Variants in PCDHGA9 observed in about 807,000 individuals in gnomAD.
PCDHGA9 encodes protocadherin gamma-A9.
A neutral mutation model predicts 62.5 loss-of-function variants in PCDHGA9; 37 were observed. That is an observed-to-expected ratio of 0.59 (90% CI 0.46 to 0.78). PCDHGA9 has a LOEUF of 0.78. Among genes scored for constraint, PCDHGA9 ranks in the 30% least tolerant of loss-of-function variants. The pLI is 0.00. For missense variants in PCDHGA9, 1,138 were observed against 1,166.2 expected, an observed-to-expected ratio of 0.98 and a Z score of 0.35; for synonymous variants, 459 against 484.6, an observed-to-expected ratio of 0.95 and a Z score of 0.69.
Position 141,491,737 on chromosome 5 carries a change from G to C in PCDHGA9, c.2425-3070G>C, listed in dbSNP as rs548808722. 1.2e-6 allele frequency: 2 copies of C among 1,600,586 alleles called. No homozygotes were observed. The highest frequency in any genetic ancestry group is 2.7e-5 in the African/African-American group (2 of 74,486). On this transcript the variant is annotated intron_variant, in intron 1 of 3. Transcript: ENST00000573521. The surrounding 1 kb of genome is among the most constrained non-coding windows in gnomAD (Gnocchi z 6.9). ...GGCGCCGCCCCGGGCGACCCCTGGG[G>C]GCGGCACTGGAGAAGCCGCCCGTCC...
At chr5:141,453,807 A>G (rs752553367) in intron 1 of PCDHGA9, among the ~76,000 whole-genome samples, 3 of 152,250 alleles carry the variant, frequency 2.0e-5, no homozygotes, top group Non-Finnish European at 4.4e-5. Flanking sequence ...GAGTAGTTCC[A>G]TAAAGGACAA....
intron 3 of PCDHGA9, among the ~76,000 whole-genome samples, chr5:141,510,230 G>A (rs1285202719): frequency 2.7e-5 from 4 of 149,638 alleles, no homozygotes; most frequent in Non-Finnish European, 5.9e-5. Context: ...CCGGGATCGC[G>A]CCACTGCACT....
intron 1 of PCDHGA9, chr5:141,478,644 T>C (rs1217932733): frequency 6.4e-7 from 1 of 1,552,238 alleles, no homozygotes. Flanking sequence ...GATGAAGATG[T>C]TTTCCTGGTG....
intron 1 of PCDHGA9, chr5:141,408,243 G>T: frequency 6.3e-7 from 1 of 1,583,996 alleles, no homozygotes; most frequent in African/African-American, 1.3e-5. Context: ...GCCGGCCCGC[G>T]GCAGGTGCTA....
In PCDHGA9 at chr5:141,477,967, C is replaced by A; in HGVS notation, c.2425-16840C>A. The A allele has an allele frequency of 6.2e-7, 1 of 1,614,150 alleles. No individual in the cohort carries two copies. Among genetic ancestry groups the A allele is most frequent in the Non-Finnish European group, 8.5e-7 (1 of 1,180,032 alleles). On this transcript the variant is annotated intron_variant, in intron 1 of 3. Transcript: ENST00000573521. The surrounding 1 kb of genome is among the most constrained non-coding windows in gnomAD (Gnocchi z 4.9). ...GTCTCTTGGGATCCCCTAACCAGAG[C>A]CTTTTTGCCATAGGGCTGCACACTG...
At chr5:141,409,897 A>C (rs549955923) in intron 1 of PCDHGA9, 1 of 1,613,086 alleles carries the variant, frequency 6.2e-7, no homozygotes, top group Non-Finnish European at 8.5e-7. Context: ...TGCTGTACCC[A>C]GCTCTGGGTC....
Position 141,489,343 on chromosome 5 carries a change from G to A in PCDHGA9, c.2425-5464G>A, listed in dbSNP as rs377697321. On this transcript the variant is annotated intron_variant, in intron 1 of 3. Coordinates refer to ENST00000573521, the MANE Select transcript of PCDHGA9 (RefSeq NM_018921.3). This position sits in a 1 kb window ranked among gnomAD's most constrained non-coding sequence, Gnocchi z 4.5. ...GGTGTCTGGGCAGCTTCGTTACTCA[G>A]TGGTGGAGGAGTCTGAGCCGGGGAC... The A allele has an allele frequency of 5.6e-6, 9 of 1,611,264 alleles. No individual in the cohort carries two copies. Among genetic ancestry groups the A allele is most frequent in the Non-Finnish European group, 7.6e-6 (9 of 1,178,202 alleles).
At chr5:141,418,369 C>G (rs763319499) in intron 1 of PCDHGA9, 62 of 1,613,842 alleles carry the variant, frequency 3.8e-5, no homozygotes, top group Non-Finnish European at 4.8e-5. Context: ...TGAGCAAATA[C>G]CAACTAAGTC....
At position 141,454,263 on chromosome 5, in the gene PCDHGA9, T is replaced by C. The variant is rs954231508; in HGVS notation, c.2425-40544T>C. Among the ~76,000 whole-genome samples, 42 of 152,140 alleles carry C rather than the reference T, an allele frequency of 2.8e-4. 1 individual carries two copies. Among genetic ancestry groups the C allele is most frequent in the South Asian group, 1.0e-3 (5 of 4,826 alleles). On this transcript the variant is annotated intron_variant, in intron 1 of 3. Coordinates refer to ENST00000573521, the MANE Select transcript of PCDHGA9 (RefSeq NM_018921.3). Reference sequence around the variant, plus strand: ...GATGAAGATGTCCCAGAGAAAGTAATGCCAGCAAAAACTTCACATTAAAGG... The same window carrying C: ...GATGAAGATGTCCCAGAGAAAGTAACGCCAGCAAAAACTTCACATTAAAGG...
At chr5:141,474,834 A>G (rs557557147) in intron 1 of PCDHGA9, among the ~76,000 whole-genome samples, 4 of 152,380 alleles carry the variant, frequency 2.6e-5, no homozygotes, top group South Asian at 4.1e-4. Context: ...ACTCTGTGCC[A>G]GGCACTTTAC....
intron 2 of PCDHGA9, among the ~76,000 whole-genome samples, chr5:141,505,146 A>G (rs2099844101): frequency 6.6e-6 from 1 of 152,190 alleles, no homozygotes; most frequent in Non-Finnish European, 1.5e-5. Flanking sequence ...TGGATGACAG[A>G]GTAAGACCCT....
intron 1 of PCDHGA9, chr5:141,427,619 C>T: frequency 1.4e-6 from 1 of 696,342 alleles, no homozygotes; most frequent in Non-Finnish European, 2.6e-6. Context: ...AAGTCAACGA[C>T]AATGCTCCGG....
intron 1 of PCDHGA9, among the ~76,000 whole-genome samples, chr5:141,446,746 C>T (rs1413869259): frequency 6.6e-6 from 1 of 152,170 alleles, no homozygotes; most frequent in Non-Finnish European, 1.5e-5. Context: ...GGATTACAGG[C>T]GTGAGCCACC....
chr5:141,410,602 T>A, intron 1 of PCDHGA9: 4 of 1,607,792 alleles, frequency 2.5e-6, no homozygotes, highest in South Asian at 2.2e-5. Flanking sequence ...TGACTTCACA[T>A]CCTGAGACTC....
rs763104309 is a variant in PCDHGA9, at chr5:141,432,042, G to A, written c.2424+26666G>A. 5 of 1,614,090 alleles carry A rather than the reference G, an allele frequency of 3.1e-6. No homozygotes were observed. The African/African-American group carries it at 6.7e-5, about 22-fold the overall frequency. ...ATCACAGTGACCGCCACTGACCGGG[G>A]AACCCCGCCCCTATCCACGGAAACT... On this transcript the variant is annotated intron_variant, in intron 1 of 3. Transcript: ENST00000573521. The surrounding 1 kb of genome is among the most constrained non-coding windows in gnomAD (Gnocchi z 6.0).
chr5:141,420,357 CT>C, intron 1 of PCDHGA9: 1 of 1,376,278 alleles, frequency 7.3e-7, no homozygotes, highest in Non-Finnish European at 9.6e-7. Context: ...TTTTAAGATT[CT>C]AGATAACTTC....
chr5:141,403,058 C>A lies in PCDHGA9; in HGVS notation c.106C>A (p.Pro36Thr). The A allele has an allele frequency of 6.2e-7, 1 of 1,614,060 alleles. No homozygotes were observed. Among genetic ancestry groups the A allele is most frequent in the Non-Finnish European group, 8.5e-7 (1 of 1,179,904 alleles). Residue 36 changes from proline (P) to threonine (T), a missense_variant, in exon 1 of 4, where the codon CCT becomes ACT. By Grantham distance (38) the Pro-to-Thr change is conservative. Transcript: ENST00000573521. ...GGCCAGTCAGATTCGCTACTCAGTG[C>A]CTGAAGAGACAGAAAAGGGCTATAT... ...ARASQIRYSVPEETEKGYIVG... is the reference protein window; with the variant it reads ...ARASQIRYSVTEETEKGYIVG...
At position 141,490,487 on chromosome 5, in the gene PCDHGA9, C is replaced by T. The variant is rs1398601464; in HGVS notation, c.2425-4320C>T. Reference sequence around the variant, plus strand: ...ACCAGCCAGCCTTTGGACCGGGAGGCCACATCCCACTATATCATCGAGCTG... The same window carrying T: ...ACCAGCCAGCCTTTGGACCGGGAGGTCACATCCCACTATATCATCGAGCTG... On this transcript the variant is annotated intron_variant, in intron 1 of 3. Coordinates refer to ENST00000573521, the MANE Select transcript of PCDHGA9 (RefSeq NM_018921.3). This position sits in a 1 kb window ranked among gnomAD's most constrained non-coding sequence, Gnocchi z 5.4. 4 of 1,614,000 alleles carry T rather than the reference C, an allele frequency of 2.5e-6. No homozygotes were observed. The highest frequency in any genetic ancestry group is 1.7e-5 in the Admixed American group (1 of 59,996).
At chr5:141,464,676 T>A (rs1337677151) in intron 1 of PCDHGA9, among the ~76,000 whole-genome samples, 1 of 152,176 alleles carries the variant, frequency 6.6e-6, no homozygotes. Flanking sequence ...ATAATTTTAA[T>A]TAAAATTTCT....
Sources: allele counts gnomAD v4.1 joint callset (sites outside exome capture counted in the v4.1 genomes callset), GRCh38; gene constraint gnomAD v4.1.1; non-coding constraint Gnocchi (gnomAD v3.1); transcripts MANE v1.5; gene names NCBI Gene and HGNC (gene_info 2026-07-23, HGNC 2026-07-21).